Variants in FRAS1 observed in about 807,000 individuals in gnomAD.
The protein encoded by FRAS1 is extracellular matrix organizing protein FRAS1.
A neutral mutation model predicts 435.2 loss-of-function variants in FRAS1; 290 were observed. The ratio of observed to expected loss-of-function variants is 0.67; its 90% confidence interval spans 0.61 to 0.73. The LOEUF (loss-of-function observed/expected upper bound fraction) is 0.73. Among genes scored for constraint, FRAS1 ranks in the 30% least tolerant of loss-of-function variants. The pLI is 0.00. For synonymous variants in FRAS1, 1,800 were observed against 1,851.0 expected, an observed-to-expected ratio of 0.97 and a Z score of 0.71; for missense variants, 4,860 against 5,001.5, an observed-to-expected ratio of 0.97 and a Z score of 0.85.
At chr4:78,133,961 TTTTTG>T (rs369678923) in intron 2 of FRAS1, among the ~76,000 whole-genome samples, 20,525 of 144,222 alleles carry the variant, frequency 0.14, 1,500 homozygotes, top group Admixed American at 0.18. Flanking sequence ...AGGTTTTTTT[TTTTTG>T]TTTTTTTTTT....
intron 55 of FRAS1, 47 bp from the exon 56 acceptor site, chr4:78,479,327 A>G: frequency 7.8e-7 from 1 of 1,277,394 alleles, no homozygotes; most frequent in South Asian, 1.9e-5. Context: ...TTAAAATCTG[A>G]GAAGCACTCA....
In FRAS1 at chr4:78,108,433, G is replaced by C. The variant is rs999325589; in HGVS notation, c.108+42417G>C. On this transcript the variant is annotated intron_variant, in intron 2 of 73. Transcript: ENST00000512123. ...CACAGTGCAATCAAACTAGAACTCA[G>C]GATTAAGAATCTCACTCAAAGCCGT... 9.0e-5 allele frequency among the ~76,000 whole-genome samples: 6 copies of C among 66,602 alleles called. 1 individual carries two copies. The highest frequency in any genetic ancestry group is 1.4e-4 in the Non-Finnish European group (5 of 36,450). The allele number at this position is 66,602 out of a possible 152,430, so 43.7% of individuals were successfully genotyped here.
intron 2 of FRAS1, among the ~76,000 whole-genome samples, chr4:78,166,024 GT>G (rs1721320700): frequency 6.6e-6 from 1 of 152,130 alleles, no homozygotes; most frequent in African/African-American, 2.4e-5. Context: ...ATTGCAGCAT[GT>G]TTTACAGTTT....
rs1722660419 is a variant in FRAS1 at position 78,193,718 on chromosome 4, T to A, written c.109-43792T>A. The stretch of plus-strand genomic sequence containing the variant: ...ACAGCACACTGATGGGTCTTGACTC[T>A]TTATCCAATTTGCCAGTCTGTGTCT... On this transcript the variant is annotated intron_variant, in intron 2 of 73. Transcript: ENST00000512123. Among the ~76,000 whole-genome samples, 3 of 152,338 alleles carry A rather than the reference T, an allele frequency of 2.0e-5. No homozygotes were observed. In the South Asian group the frequency reaches 6.2e-4, roughly 32 times the overall value.
chr4:78,467,068 C>A (rs1719553936), intron 50 of FRAS1, among the ~76,000 whole-genome samples: 1 of 152,094 alleles, frequency 6.6e-6, no homozygotes, highest in South Asian at 2.1e-4. Context: ...AACATTTATC[C>A]TTTGTGTTAC....
At chr4:78,501,917 T>C (rs887017089) in intron 61 of FRAS1, among the ~76,000 whole-genome samples, 2 of 152,198 alleles carry the variant, frequency 1.3e-5, no homozygotes, top group African/African-American at 4.8e-5. Flanking sequence ...AAGGAAGGGA[T>C]CCAGTTTCAG....
intron 2 of FRAS1, among the ~76,000 whole-genome samples, chr4:78,130,613 CAT>C (rs1282509212): frequency 1.3e-5 from 2 of 152,184 alleles, no homozygotes; most frequent in African/African-American, 4.8e-5. Flanking sequence ...TCATTAACCC[CAT>C]TCATGCATAG....
intron 2 of FRAS1, among the ~76,000 whole-genome samples, chr4:78,162,088 G>A (rs1205756521): frequency 1.3e-5 from 2 of 152,030 alleles, no homozygotes; most frequent in African/African-American, 4.8e-5. Flanking sequence ...CAAATGTTAT[G>A]CAAACTGCTA....
At chr4:78,090,507 G>A (rs1482707209) in intron 2 of FRAS1, among the ~76,000 whole-genome samples, 1 of 152,042 alleles carries the variant, frequency 6.6e-6, no homozygotes, top group Non-Finnish European at 1.5e-5. Context: ...TGTCAGATCT[G>A]GTTAAGTCCA....
intron 19 of FRAS1, among the ~76,000 whole-genome samples, chr4:78,336,197 T>C (rs928412995): frequency 6.6e-6 from 1 of 152,138 alleles, no homozygotes; most frequent in Non-Finnish European, 1.5e-5. Flanking sequence ...TCTTTGCCTT[T>C]TTCTAACTGT....
At position 78,340,906 on chromosome 4, in the gene FRAS1, C is replaced by G. The variant is rs1730373457; in HGVS notation, c.2422+3089C>G. 3.3e-5 allele frequency among the ~76,000 whole-genome samples: 5 copies of G among 152,310 alleles called. No homozygotes were observed. The South Asian group carries it at 1.0e-3, about 32-fold the overall frequency. ...CCATCCTTTAATATCCTTATTTTAA[C>G]TTAATTACCTCTTTAAAGGCCCTAT... On this transcript the variant is annotated intron_variant, in intron 20 of 73. Transcript: ENST00000512123.
In FRAS1 at chr4:78,099,409, G is replaced by A. The variant is rs186557814; in HGVS notation, c.108+33393G>A. On this transcript the variant is annotated intron_variant, in intron 2 of 73. Coordinates refer to ENST00000512123, the MANE Select transcript of FRAS1 (RefSeq NM_025074.7). ...TCTCTGCATGCCTCTTGTCCCTGCTGCATATTCCAGTCCTCCCCTCCACTT... is the reference window on the plus strand; with the variant it reads ...TCTCTGCATGCCTCTTGTCCCTGCTACATATTCCAGTCCTCCCCTCCACTT... Among the ~76,000 whole-genome samples, 4 of 152,292 alleles carry A rather than the reference G, an allele frequency of 2.6e-5. No individual in the cohort carries two copies. In the East Asian group the frequency reaches 7.7e-4, roughly 29 times the overall value.
intron 23 of FRAS1, among the ~76,000 whole-genome samples, chr4:78,370,514 A>G (rs11098161): frequency 0.17 from 25,524 of 152,098 alleles, 2,744 homozygotes; most frequent in East Asian, 0.33. Context: ...GCTGGATGGA[A>G]CAGGATCTCT....
intron 15 of FRAS1, among the ~76,000 whole-genome samples, chr4:78,309,817 T>G (rs575899808): frequency 3.5e-4 from 53 of 152,332 alleles, no homozygotes; most frequent in African/African-American, 1.2e-3. Flanking sequence ...GAATTGAGTT[T>G]ACTTTGATGG....
chr4:78,373,993 C>T (rs1731614846), intron 24 of FRAS1, 118 bp from the exon 25 acceptor site: 3 of 911,660 alleles, frequency 3.3e-6, no homozygotes, highest in Non-Finnish European at 4.7e-6. Flanking sequence ...TTCATATGGT[C>T]CTTTGCCCAG....
intron 14 of FRAS1, among the ~76,000 whole-genome samples, chr4:78,306,913 T>C (rs1049204790): frequency 6.6e-6 from 1 of 152,262 alleles, no homozygotes; most frequent in African/African-American, 2.4e-5. Context: ...GGTGAGGAAC[T>C]GCGTTCCTTT....
chr4:78,093,969 C>G (rs2109904229), intron 2 of FRAS1, among the ~76,000 whole-genome samples: 1 of 152,176 alleles, frequency 6.6e-6, no homozygotes, highest in East Asian at 1.9e-4. Flanking sequence ...AAGCTCACCC[C>G]CCTCCCCTTC....
intron 27 of FRAS1, 96 bp downstream of exon 27, chr4:78,380,092 C>T (rs1022635497): frequency 7.4e-7 from 1 of 1,346,180 alleles, no homozygotes; most frequent in African/African-American, 1.5e-5. Flanking sequence ...CAATAGCTAA[C>T]CCTTCTCATC....
chr4:78,164,822 CAGTCTA>C (rs1721273541), intron 2 of FRAS1, among the ~76,000 whole-genome samples: 1 of 152,164 alleles, frequency 6.6e-6, no homozygotes, highest in African/African-American at 2.4e-5. Flanking sequence ...AGCCTAAACA[CAGTCTA>C]AAGTTCTTTC....
Sources: allele counts gnomAD v4.1 joint callset (sites outside exome capture counted in the v4.1 genomes callset), GRCh38; gene constraint gnomAD v4.1.1; transcripts MANE v1.5; gene names NCBI Gene and HGNC (gene_info 2026-07-23, HGNC 2026-07-21).